The following NF2 variants were observed in gnomAD, a reference collection of about 807,000 sequenced individuals.
NF2 encodes the protein merlin.
In NF2, 8 loss-of-function variants were observed where a neutral mutation model predicts 83.7. The ratio of observed to expected loss-of-function variants is 0.10; its 90% confidence interval spans 0.06 to 0.17. NF2 has a LOEUF of 0.17. NF2 is among the 10% of genes least tolerant of loss of function. NF2 has a pLI of 1.00. For missense variants in NF2, 533 were observed against 744.4 expected (o/e 0.72, Z 3.31); for synonymous variants, 266 against 269.6 (o/e 0.99, Z 0.13).
intron 15 of NF2, among the ~76,000 whole-genome samples, chr22:29,688,299 C>G (rs1028039298): frequency 1.3e-5 from 2 of 152,158 alleles, no homozygotes; most frequent in Non-Finnish European, 2.9e-5. Flanking sequence ...TTCGGCCCCT[C>G]GGCACTGAAG....
intron 4 of NF2, among the ~76,000 whole-genome samples, chr22:29,653,831 G>C (rs753936618): frequency 2.6e-4 from 39 of 152,184 alleles, no homozygotes; most frequent in African/African-American, 9.4e-4. Context: ...GAAGTACTGA[G>C]CTTTGTTGTT....
At chr22:29,639,917 C>T (rs1449861229) in intron 3 of NF2, among the ~76,000 whole-genome samples, 1 of 146,106 alleles carries the variant, frequency 6.8e-6, no homozygotes, top group Non-Finnish European at 1.5e-5. Context: ...AGGACTTCAG[C>T]CGGGCGGGTT....
chr22:29,677,475 G>A (rs2066999040), intron 13 of NF2, among the ~76,000 whole-genome samples: 1 of 151,204 alleles, frequency 6.6e-6, no homozygotes, highest in African/African-American at 2.4e-5. Flanking sequence ...CTCTTTAGAT[G>A]ACCCTTTGTG....
At chr22:29,656,382 G>T (rs1436285491) in intron 6 of NF2, among the ~76,000 whole-genome samples, 1 of 139,202 alleles carries the variant, frequency 7.2e-6, no homozygotes, top group Non-Finnish European at 1.6e-5. Context: ...TTATACAATT[G>T]TATGAGTAGT....
chr22:29,642,953 T>C (rs1302560334), intron 4 of NF2, among the ~76,000 whole-genome samples: 1 of 150,430 alleles, frequency 6.6e-6, no homozygotes, highest in Admixed American at 6.6e-5. Context: ...GTTAAATCAC[T>C]ATAGACCTTT....
intron 1 of NF2, among the ~76,000 whole-genome samples, chr22:29,630,104 G>GC (rs1286410912): frequency 6.6e-6 from 1 of 152,152 alleles, no homozygotes; most frequent in Non-Finnish European, 1.5e-5. Context: ...AGCTGTCAAA[G>GC]CAAAAAACAA....
At chr22:29,685,117 GT>G (rs2067238424) in intron 15 of NF2, among the ~76,000 whole-genome samples, 1 of 151,658 alleles carries the variant, frequency 6.6e-6, no homozygotes, top group Non-Finnish European at 1.5e-5. Context: ...CTGTGTTGAT[GT>G]TAGTTTTGCT....
chr22:29,653,183 C>A (rs1329827347), intron 4 of NF2, among the ~76,000 whole-genome samples: 1 of 152,096 alleles, frequency 6.6e-6, no homozygotes, highest in African/African-American at 2.4e-5. Flanking sequence ...CGGTGGCTGA[C>A]GCCTGTAATC....
chr22:29,641,781 C>T (rs1459265074), intron 3 of NF2, among the ~76,000 whole-genome samples: 2 of 152,054 alleles, frequency 1.3e-5, no homozygotes, highest in Admixed American at 1.3e-4. Flanking sequence ...ACTCAGTGGC[C>T]TTGGTGACTT....
intron 12 of NF2, among the ~76,000 whole-genome samples, chr22:29,674,165 C>T (rs2066892168): frequency 6.6e-6 from 1 of 152,226 alleles, no homozygotes; most frequent in African/African-American, 2.4e-5. Context: ...TTTTCCTCAC[C>T]ACGCTTTGCA....
At chr22:29,649,324 T>TAATC (rs2066074261) in intron 4 of NF2, among the ~76,000 whole-genome samples, 1 of 152,184 alleles carries the variant, frequency 6.6e-6, no homozygotes, top group Non-Finnish European at 1.5e-5. Context: ...CTCACACCTG[T>TAATC]AATCCCAACA....
chr22:29,604,207 G>T, intron 1 of NF2, 95 bp downstream of exon 1: 1 of 1,045,374 alleles, frequency 9.6e-7, no homozygotes, highest in Admixed American at 2.0e-5. Context: ...GCTAGAGACG[G>T]GCAGAACCGG....
intron 1 of NF2, among the ~76,000 whole-genome samples, chr22:29,628,882 C>T (rs1425223524): frequency 1.3e-5 from 2 of 152,062 alleles, no homozygotes; most frequent in Non-Finnish European, 2.9e-5. Context: ...CCACCTGTCT[C>T]GGCCTCCCAA....
At position 29,661,215 on chromosome 22, in the gene NF2, G is replaced by A. The variant is rs2147007791; in HGVS notation, c.686G>A (p.Gly229Asp). ...VNYFAIRNKK[G>D]TELLLGVDAL... ...TTATTGGATCCACAGAATAAAAAGG[G>A]CACAGAGCTGCTGCTTGGAGTGGAT... is the stretch of plus-strand genomic sequence containing the variant. Residue 229 changes from glycine (G) to aspartate (D), a missense_variant, in exon 8 of 16, where the codon GGC (glycine) becomes GAC (aspartate). Physicochemically the swap from Gly to Asp is moderately conservative, Grantham distance 94. Coordinates refer to ENST00000338641, the MANE Select transcript of NF2 (RefSeq NM_000268.4). The A allele has an allele frequency of 6.2e-7, 1 of 1,614,220 alleles. No homozygotes were observed. The highest frequency in any genetic ancestry group is 8.5e-7 in the Non-Finnish European group (1 of 1,180,040).
intron 1 of NF2, among the ~76,000 whole-genome samples, chr22:29,625,306 G>A (rs1028170432): frequency 3.3e-5 from 5 of 152,108 alleles, no homozygotes; most frequent in African/African-American, 7.2e-5. Context: ...GATTCTTTTC[G>A]GATTTCTGCC....
At position 29,636,366 on chromosome 22, in the gene NF2, T is replaced by C. The variant is rs1267055852; in HGVS notation, c.115-385T>C. On this transcript the variant is annotated intron_variant, in intron 1 of 15. Coordinates refer to ENST00000338641, the MANE Select transcript of NF2 (RefSeq NM_000268.4). This position sits in a 1 kb window ranked among gnomAD's most constrained non-coding sequence, Gnocchi z 4.4. ...GCAAAGTAATGATTTAAAAAAAAAA[T>C]CAACAACAAAATTTCAAGGGAATGA... is the stretch of plus-strand genomic sequence containing the variant. Among the ~76,000 whole-genome samples, 1 of 151,894 alleles carries C rather than the reference T, an allele frequency of 6.6e-6. No individual in the cohort carries two copies. The highest frequency in any genetic ancestry group is 2.4e-5 in the African/African-American group (1 of 41,322).
chr22:29,680,174 C>T (rs1200709815), intron 14 of NF2, among the ~76,000 whole-genome samples: 4 of 151,508 alleles, frequency 2.6e-5, no homozygotes, highest in South Asian at 2.1e-4. Context: ...TGCAGTGGTG[C>T]GATCTCGGCT....
chr22:29,611,047 T>C (rs567959220), intron 1 of NF2, among the ~76,000 whole-genome samples: 57 of 152,320 alleles, frequency 3.7e-4, no homozygotes, highest in African/African-American at 1.2e-3. Context: ...AATAATGTAA[T>C]GCATTATATC....
chr22:29,649,522 C>T (rs1455027771), intron 4 of NF2, among the ~76,000 whole-genome samples: 15 of 152,156 alleles, frequency 9.9e-5, no homozygotes, highest in Non-Finnish European at 1.9e-4. Flanking sequence ...GGCAATATAG[C>T]GAGACCCCTT....
Sources: allele counts gnomAD v4.1 joint callset (sites outside exome capture counted in the v4.1 genomes callset), GRCh38; gene constraint gnomAD v4.1.1; non-coding constraint Gnocchi (gnomAD v3.1); transcripts MANE v1.5; gene names NCBI Gene and HGNC (gene_info 2026-07-23, HGNC 2026-07-21).